Variants in LRWD1 observed in about 807,000 individuals in gnomAD.
LRWD1 encodes the protein leucine-rich repeat and WD repeat-containing protein 1.
A neutral mutation model predicts 75.6 loss-of-function variants in LRWD1; 76 were observed. That is an observed-to-expected ratio of 1.01 (90% CI 0.84 to 1.22). The LOEUF is 1.22. LRWD1 is among the 50% of genes most tolerant of loss of function. The pLI is 0.00. For synonymous variants in LRWD1, 487 were observed against 377.0 expected (o/e 1.29, Z -3.38); for missense variants, 917 against 862.0 (o/e 1.06, Z -0.80).
chr7:102,467,953 C>T lies in LRWD1; in HGVS notation c.679-109C>T, dbSNP rs73189879. The T allele has an allele frequency of 5.9e-3, 8,977 of 1,512,586 alleles. 38 individuals carry two copies. Among genetic ancestry groups the T allele is most frequent in the Non-Finnish European group, 7.2e-3 (8,088 of 1,131,056 alleles). 93.7% of individuals were successfully genotyped at this position (1,512,586 alleles called of 1,614,324 possible). A position where few individuals can be genotyped will look rare whatever the true frequency, so the allele number is the denominator to read the frequency against. ...TCCTGGCTCACTCCCTAGGTGACCC[C>T]GGGCCAGCCTGGGCCTCCTGCATCC... On this transcript the variant is annotated intron_variant, in intron 5 of 14. Transcript: ENST00000292616.
chr7:102,467,601 G>A (rs1798050900), intron 4 of LRWD1, 118 bp from the exon 5 acceptor site: 2 of 1,516,870 alleles, frequency 1.3e-6, no homozygotes, highest in Non-Finnish European at 1.8e-6. Flanking sequence ...GGGCAGCCCT[G>A]TTGGCTGGAG....
chr7:102,466,063 C>T lies in LRWD1; in HGVS notation c.315+12C>T, dbSNP rs749755271. On this transcript the variant is annotated intron_variant, in intron 2 of 14. Coordinates refer to ENST00000292616, the MANE Select transcript of LRWD1 (RefSeq NM_152892.3). ...ACCCCTTCCTGACGGTAAGTGGGAG[C>T]CTCCCACCAGCTTCATACCTGGGGC... The T allele has an allele frequency of 1.2e-6, 2 of 1,613,360 alleles. No individual in the cohort carries two copies. Among genetic ancestry groups the T allele is most frequent in the Admixed American group, 1.7e-5 (1 of 59,994 alleles).
At chr7:102,469,151 G>A (rs1798109367) in intron 9 of LRWD1, 89 bp downstream of exon 9, 2 of 1,224,950 alleles carry the variant, frequency 1.6e-6, no homozygotes, top group South Asian at 2.9e-5. Flanking sequence ...TGGGATGGCT[G>A]TGAGCTCGGG....
In LRWD1 at chr7:102,466,154, G is replaced by C. The variant is rs199648871; in HGVS notation, c.316G>C (p.Val106Leu). Reference sequence around the variant, plus strand: ...CTGCTCTTCACCCTCTCTTCCCCAGGTCAATGACAACCTGAAAGTCTCCTT... The same window carrying C: ...CTGCTCTTCACCCTCTCTTCCCCAGCTCAATGACAACCTGAAAGTCTCCTT... ...LSLEGNPFLT[V>L]NDNLKVSFLL... The change falls in exon 3 of 15, where the codon GTC (valine) becomes CTC (leucine). Residue 106 changes from valine (V) to leucine (L), a missense_variant and splice_region_variant. Coordinates refer to ENST00000292616, the MANE Select transcript of LRWD1 (RefSeq NM_152892.3). 1.2e-6 allele frequency: 2 copies of C among 1,614,106 alleles called. No homozygotes were observed.
chr7:102,465,592 C>T (rs1347591540), intron 1 of LRWD1: 5 of 415,782 alleles, frequency 1.2e-5, no homozygotes, highest in South Asian at 2.6e-5. Flanking sequence ...GAGGCTGAGG[C>T]GGGAGGATCC....
At chr7:102,471,734 C>T (rs921176422) in intron 11 of LRWD1, 2 of 188,078 alleles carry the variant, frequency 1.1e-5, no homozygotes, top group African/African-American at 4.7e-5. Flanking sequence ...GCAGCCATTC[C>T]CTCATTCCCC....
intron 8 of LRWD1, 65 bp from the exon 9 acceptor site, chr7:102,468,790 G>C: frequency 6.4e-7 from 1 of 1,572,784 alleles, no homozygotes; most frequent in Admixed American, 1.7e-5. Flanking sequence ...CCCCAGGCCC[G>C]GGCTACCCGC....
chr7:102,466,196 C>G lies in LRWD1; in HGVS notation c.358C>G (p.Arg120Gly). The G allele has an allele frequency of 6.2e-7, 1 of 1,614,168 alleles. No homozygotes were observed. Among genetic ancestry groups the G allele is most frequent in the Non-Finnish European group, 8.5e-7 (1 of 1,180,026 alleles). Reference sequence around the variant, plus strand: ...AGTCTCCTTTCTCCTGCCCACGCTCCGTAAGGTCAATGGCAAGGATGCGTC... The same window carrying G: ...AGTCTCCTTTCTCCTGCCCACGCTCGGTAAGGTCAATGGCAAGGATGCGTC... ...LKVSFLLPTLRKVNGKDASST... is the reference protein window; with the variant it reads ...LKVSFLLPTLGKVNGKDASST... The change falls in exon 3 of 15, where the codon CGT (arginine) becomes GGT (glycine). Residue 120 changes from arginine to glycine, a missense_variant. Transcript: ENST00000292616.
chr7:102,468,338 C>T lies in LRWD1; in HGVS notation c.880C>T (p.Gln294Ter). ...CAACAGCCCCCAGGACCTCGAGACC[C>T]AGCTGTGGGCCTGTGCCTTCGAGCC... The part of the protein sequence containing the change: ...KNNSPQDLET[Q>*]LWACAFEPAW... The change falls in exon 7 of 15, where the codon CAG becomes TAG. Residue 294 changes from glutamine to a stop codon, truncating the protein, a stop_gained. Transcript: ENST00000292616. LOFTEE classifies it high-confidence loss of function. 1.9e-6 allele frequency: 3 copies of T among 1,612,262 alleles called. No individual in the cohort carries two copies. The highest frequency in any genetic ancestry group is 2.5e-6 in the Non-Finnish European group (3 of 1,179,450).
chr7:102,467,611 G>C, intron 4 of LRWD1, 108 bp from the exon 5 acceptor site: 1 of 1,509,688 alleles, frequency 6.6e-7, no homozygotes, highest in Non-Finnish European at 9.0e-7. Context: ...GTTGGCTGGA[G>C]AGGCCCTTCC....
chr7:102,469,464 C>T lies in LRWD1; in HGVS notation c.1229-110C>T, dbSNP rs1005178536. The T allele has an allele frequency of 1.8e-5, 23 of 1,279,146 alleles. No individual in the cohort carries two copies. In the Admixed American group the frequency reaches 2.9e-4, roughly 16 times the overall value. 79.2% of individuals were successfully genotyped at this position (1,279,146 alleles called of 1,614,324 possible). A position where few individuals can be genotyped will look rare whatever the true frequency, so the allele number is the denominator to read the frequency against. The stretch of plus-strand genomic sequence containing the variant: ...TCTCCTAGCCTCGGCCCGCCCTCCC[C>T]GCCTCGGAGGGGCTGGCCTTGGGAC... On this transcript the variant is annotated intron_variant, in intron 9 of 14. Coordinates refer to ENST00000292616, the MANE Select transcript of LRWD1 (RefSeq NM_152892.3).
intron 5 of LRWD1, 107 bp downstream of exon 5, chr7:102,467,930 C>T: frequency 1.1e-5 from 16 of 1,501,830 alleles, no homozygotes; most frequent in Non-Finnish European, 1.4e-5. Flanking sequence ...ACCCCAGGTC[C>T]TGGCTCACTC....
rs117004797 is a variant in LRWD1 at position 102,473,107 on chromosome 7, C to A, written c.*58C>A. ...CTAACTAACTTATTCAGCTTTGGGC[C>A]GATGGGGGTGGGGGGGGGTCTTTCA... On this transcript the variant is annotated 3_prime_UTR_variant, in exon 15 of 15. Coordinates refer to ENST00000292616, the MANE Select transcript of LRWD1 (RefSeq NM_152892.3). 6,402 of 1,444,780 alleles carry A rather than the reference C, an allele frequency of 4.4e-3. 29 individuals carry two copies. Among genetic ancestry groups the A allele is most frequent in the Non-Finnish European group, 4.5e-3 (4,822 of 1,074,432 alleles). 89.5% of individuals were successfully genotyped at this position (1,444,780 alleles called of 1,614,324 possible). A position where few individuals can be genotyped will look rare whatever the true frequency, so the allele number is the denominator to read the frequency against.
chr7:102,472,205 T>A lies in LRWD1; in HGVS notation c.1443-13T>A. The A allele has an allele frequency of 6.3e-7, 1 of 1,580,218 alleles. No individual in the cohort carries two copies. Among genetic ancestry groups the A allele is most frequent in the Non-Finnish European group, 8.6e-7 (1 of 1,161,004 alleles). On this transcript the variant is annotated splice_polypyrimidine_tract_variant and intron_variant, in intron 11 of 14. Transcript: ENST00000292616. ...CAAGGAATGGCCAACTAGCATCTCG[T>A]GCTGCCCCACAGGGTGTGTGAAGTG...
chr7:102,467,942 C>T (rs1002981323), intron 5 of LRWD1, 119 bp downstream of exon 5: 1 of 1,506,214 alleles, frequency 6.6e-7, no homozygotes, highest in African/African-American at 1.4e-5. Context: ...GGCTCACTCC[C>T]TAGGTGACCC....
At position 102,466,258 on chromosome 7, in the gene LRWD1, G is replaced by A. The variant is rs1797972134; in HGVS notation, c.420G>A (p.Glu140=). 2 of 1,613,708 alleles carry A rather than the reference G, an allele frequency of 1.2e-6. No individual in the cohort carries two copies. Among genetic ancestry groups the A allele is most frequent in the Non-Finnish European group, 1.7e-6 (2 of 1,179,762 alleles). Residue 140 remains glutamate, a synonymous_variant, in exon 3 of 15, where the codon GAG becomes GAA. Transcript: ENST00000292616. ...TYSQVENLNR[E]LTSRVTAHWE... ...CTCAGGTGGAGAACCTGAATCGGGA[G>A]CTGACCAGCAGGGTAAGGGGATGAG...
In LRWD1 at chr7:102,469,829, C is replaced by T. The variant is rs957285968; in HGVS notation, c.1389C>T (p.Cys463=). 6 of 1,605,122 alleles carry T rather than the reference C, an allele frequency of 3.7e-6. No individual in the cohort carries two copies. Among genetic ancestry groups the T allele is most frequent in the South Asian group, 2.2e-5 (2 of 90,482 alleles). Residue 463 remains cysteine, a synonymous_variant, in exon 11 of 15, where the codon TGC becomes TGT. Coordinates refer to ENST00000292616, the MANE Select transcript of LRWD1 (RefSeq NM_152892.3). ...SCPDARLLAG[C]EGGCCCWDVR... ...CGGACGCCCGCCTGCTGGCCGGCTG[C>T]GAGGGCGGCTGCTGCTGCTGGGACG...
In LRWD1 at chr7:102,472,584, C is replaced by G; in HGVS notation, c.1665C>G (p.Ala555=). The G allele has an allele frequency of 6.2e-7, 1 of 1,608,522 alleles. No homozygotes were observed. The highest frequency in any genetic ancestry group is 8.5e-7 in the Non-Finnish European group (1 of 1,177,558). The part of the protein sequence containing the change: ...ARLQWSSTEL[A]YFSLSACPDK... ...TGCAATGGTCGTCCACCGAGTTGGC[C>G]TACTTCTCGCTCAGCGCCTGCCCTG... The change falls in exon 13 of 15, where the codon GCC becomes GCG. Residue 555 remains alanine (A), a synonymous_variant. Transcript: ENST00000292616.
Position 102,465,958 on chromosome 7 carries a change from C to T in LRWD1, c.222C>T (p.Leu74=), listed in dbSNP as rs1230317952. 5.0e-6 allele frequency: 8 copies of T among 1,613,898 alleles called. No homozygotes were observed. Among genetic ancestry groups the T allele is most frequent in the Middle Eastern group, 1.6e-4 (1 of 6,062 alleles). The stretch of plus-strand genomic sequence containing the variant: ...TGGGCCTGTCCCACCTGCGTGTCCT[C>T]CGCTGCGCCAACAACCAGCTGGGGG... ...DNLGLSHLRV[L]RCANNQLGDV... Residue 74 remains leucine (L), a synonymous_variant, in exon 2 of 15, where the codon CTC becomes CTT. Coordinates refer to ENST00000292616, the MANE Select transcript of LRWD1 (RefSeq NM_152892.3).
Sources: gnomAD v4.1 joint callset for allele counts on GRCh38, gnomAD v4.1.1 for gene constraint, MANE v1.5 for transcripts, NCBI Gene and HGNC (gene_info 2026-07-23, HGNC 2026-07-21) for gene names.